The following FBXL17 variants were observed in gnomAD, a reference collection of about 807,000 sequenced individuals.
FBXL17 encodes F-box and leucine rich repeat protein 17.
FBXL17 carries 22 observed loss-of-function variants against 66.2 expected under a neutral mutation model. The observed-to-expected ratio is 0.33, with a 90% CI of 0.24 to 0.47. FBXL17 has a LOEUF of 0.47. Ranked by LOEUF, FBXL17 falls within the 20% of genes least tolerant of loss-of-function variation. The pLI is 1.00. For missense variants in FBXL17, 878 were observed against 948.2 expected, an observed-to-expected ratio of 0.93 and a Z score of 0.97; for synonymous variants, 474 against 400.5, an observed-to-expected ratio of 1.18 and a Z score of -2.19.
chr5:107,910,583 T>C (rs1046131818), intron 7 of FBXL17, among the ~76,000 whole-genome samples: 2 of 151,948 alleles, frequency 1.3e-5, no homozygotes, highest in Non-Finnish European at 2.9e-5. Flanking sequence ...AGAAGAAATA[T>C]GAGGCATAAA....
At chr5:108,056,896 A>G (rs1427011407) in intron 6 of FBXL17, among the ~76,000 whole-genome samples, 2 of 152,232 alleles carry the variant, frequency 1.3e-5, no homozygotes, top group African/African-American at 2.4e-5. Flanking sequence ...ATGCCAACCT[A>G]ACTATTCTCA....
chr5:108,111,702 G>A (rs1480703446), intron 6 of FBXL17, among the ~76,000 whole-genome samples: 1 of 152,098 alleles, frequency 6.6e-6, no homozygotes, highest in Non-Finnish European at 1.5e-5. Flanking sequence ...GTCTGTACAT[G>A]CTAGCTTTTT....
intron 7 of FBXL17, among the ~76,000 whole-genome samples, chr5:107,978,372 A>C (rs1466058710): frequency 6.6e-6 from 1 of 152,186 alleles, no homozygotes; most frequent in Non-Finnish European, 1.5e-5. Flanking sequence ...TTGTAAAACT[A>C]ATGAAAGGCC....
At chr5:107,878,191 G>T (rs1176819504) in intron 8 of FBXL17, 28 of 930,180 alleles carry the variant, frequency 3.0e-5, no homozygotes, top group Non-Finnish European at 3.3e-5. Context: ...TTAAATTTAG[G>T]TGAGGAAAAA....
chr5:108,336,704 A>C (rs886595219), intron 4 of FBXL17, among the ~76,000 whole-genome samples: 1 of 152,148 alleles, frequency 6.6e-6, no homozygotes, highest in Non-Finnish European at 1.5e-5. Context: ...AAATCTACCT[A>C]ATTCTTAAAA....
At position 108,381,395 on chromosome 5, in the gene FBXL17, G is replaced by T; in HGVS notation, c.297C>A (p.His99Gln). Residue 99 changes from histidine to glutamine, a missense_variant, in exon 1 of 9, where the codon CAC becomes CAA. His to Gln is a conservative substitution (Grantham distance 24). This residue lies in a region of FBXL17 where 605 missense variants were observed against 509.5 expected (regional missense o/e 1.19). Transcript: ENST00000542267. ...GAYAAASSSQHLARRYAALAA... is the reference protein window; with the variant it reads ...GAYAAASSSQQLARRYAALAA... ...CCAGGGCCGCGTAGCGCCGCGCCAGGTGCTGAGAGGAGGAGGCGGCAGCGT... is the reference window on the plus strand; with the variant it reads ...CCAGGGCCGCGTAGCGCCGCGCCAGTTGCTGAGAGGAGGAGGCGGCAGCGT... 1 of 1,326,396 alleles carries T rather than the reference G, an allele frequency of 7.5e-7. No individual in the cohort carries two copies. Among genetic ancestry groups the T allele is most frequent in the Non-Finnish European group, 9.5e-7 (1 of 1,047,336 alleles). The allele number at this position is 1,326,396 out of a possible 1,614,324, so 82.2% of individuals were successfully genotyped here. A position where few individuals can be genotyped will look rare whatever the true frequency, so the allele number is the denominator to read the frequency against.
chr5:107,954,432 A>G (rs934558776), intron 7 of FBXL17, among the ~76,000 whole-genome samples: 7 of 152,250 alleles, frequency 4.6e-5, no homozygotes, highest in African/African-American at 1.7e-4. Flanking sequence ...TGAATCATGC[A>G]GTGAACCACA....
At chr5:108,205,803 C>T (rs1363026947) in intron 5 of FBXL17, among the ~76,000 whole-genome samples, 1 of 152,086 alleles carries the variant, frequency 6.6e-6, no homozygotes, top group Non-Finnish European at 1.5e-5. Flanking sequence ...GATCTCAGCT[C>T]ACTGCAACTT....
At chr5:107,916,510 G>T (rs1750139837) in intron 7 of FBXL17, among the ~76,000 whole-genome samples, 1 of 151,908 alleles carries the variant, frequency 6.6e-6, no homozygotes, top group Non-Finnish European at 1.5e-5. Context: ...ACTAAATAAA[G>T]GTATTTGGAA....
intron 7 of FBXL17, among the ~76,000 whole-genome samples, chr5:107,964,904 C>T (rs1752060896): frequency 6.6e-6 from 1 of 152,084 alleles, no homozygotes; most frequent in Non-Finnish European, 1.5e-5. Context: ...CAGAGACTGG[C>T]TTTGATCTTG....
chr5:108,115,620 T>C (rs2149958305), intron 6 of FBXL17, among the ~76,000 whole-genome samples: 1 of 151,794 alleles, frequency 6.6e-6, no homozygotes, highest in East Asian at 1.9e-4. Context: ...CATCTTTCCA[T>C]CTTTAAGAAA....
chr5:108,255,815 T>G (rs1376778909), intron 4 of FBXL17, among the ~76,000 whole-genome samples: 1 of 152,096 alleles, frequency 6.6e-6, no homozygotes, highest in Non-Finnish European at 1.5e-5. Context: ...AGAGGAAAAT[T>G]AGAACTAAAA....
chr5:108,105,252 G>A (rs138279213), intron 6 of FBXL17, among the ~76,000 whole-genome samples: 2 of 152,336 alleles, frequency 1.3e-5, no homozygotes, highest in East Asian at 3.9e-4. Flanking sequence ...AGGCGCAACT[G>A]AAGTGGACCT....
chr5:107,980,664 A>ATATATATATATATATATATTTTT, intron 7 of FBXL17, among the ~76,000 whole-genome samples: 5 of 62,068 alleles, frequency 8.1e-5, no homozygotes, highest in East Asian at 1.1e-3. Flanking sequence ...ATATATATAT[A>ATATATATATATATATATATTTTT]TTTTTTTTTT....
At chr5:108,327,173 A>C (rs1464707989) in intron 4 of FBXL17, among the ~76,000 whole-genome samples, 1 of 152,232 alleles carries the variant, frequency 6.6e-6, no homozygotes, top group African/African-American at 2.4e-5. Flanking sequence ...TATACATACA[A>C]TACTCACCTA....
chr5:108,174,147 C>A (rs1752705469), intron 6 of FBXL17, among the ~76,000 whole-genome samples: 1 of 152,110 alleles, frequency 6.6e-6, no homozygotes, highest in African/African-American at 2.4e-5. Context: ...ATAATTCTAA[C>A]TGAAAATTAG....
intron 4 of FBXL17, among the ~76,000 whole-genome samples, chr5:108,305,216 C>G (rs1019860344): frequency 3.3e-5 from 5 of 151,982 alleles, no homozygotes; most frequent in African/African-American, 1.2e-4. Flanking sequence ...TAGTAGAAGT[C>G]AGGTTTGCTA....
At chr5:108,187,673 T>G (rs184943782) in intron 5 of FBXL17, among the ~76,000 whole-genome samples, 16 of 152,308 alleles carry the variant, frequency 1.1e-4, no homozygotes, top group African/African-American at 3.4e-4. Flanking sequence ...GATAAGGACC[T>G]CAGACTTACA....
rs956234085 is a variant in FBXL17 at position 108,342,707 on chromosome 5, C to G, written c.1506+5692G>C. 3.3e-5 allele frequency among the ~76,000 whole-genome samples: 5 copies of G among 152,254 alleles called. No individual in the cohort carries two copies. In the East Asian group the frequency reaches 7.7e-4, roughly 24 times the overall value. On this transcript the variant is annotated intron_variant, in intron 4 of 8. Coordinates refer to ENST00000542267, the MANE Select transcript of FBXL17 (RefSeq NM_001163315.3). ...TGTTAACTTCTTTATGCCTCAATTA[C>G]CTCACTGGTAAAATTGGATAAAAAT...
Sources: allele counts gnomAD v4.1 joint callset (sites outside exome capture counted in the v4.1 genomes callset), GRCh38; gene constraint gnomAD v4.1.1; regional missense constraint gnomAD v4.1.1; transcripts MANE v1.5; gene names NCBI Gene and HGNC (gene_info 2026-07-23, HGNC 2026-07-21).